The following PLA2G4A variants were observed in gnomAD, a reference collection of about 807,000 sequenced individuals.
PLA2G4A encodes the protein cytosolic phospholipase A2.
Under a neutral mutation model 81.9 loss-of-function variants are expected in PLA2G4A, and 40 were observed. The observed-to-expected ratio is 0.49, with a 90% CI of 0.38 to 0.64. PLA2G4A has a LOEUF of 0.64. Ranked by LOEUF, PLA2G4A falls within the 30% of genes least tolerant of loss-of-function variation. The probability of loss-of-function intolerance (pLI) is 0.00; values close to 1 mark genes in which losing one functional copy is unlikely to be tolerated. For synonymous variants in PLA2G4A, 302 were observed against 296.9 expected (o/e 1.02, Z -0.18); for missense variants, 715 against 905.1 (o/e 0.79, Z 2.69).
At chr1:186,926,364 T>C (rs1297522355) in intron 7 of PLA2G4A, among the ~76,000 whole-genome samples, 1 of 152,250 alleles carries the variant, frequency 6.6e-6, no homozygotes, top group Non-Finnish European at 1.5e-5. Context: ...TTGGAAGTCA[T>C]TTATTGAATT....
intron 3 of PLA2G4A, among the ~76,000 whole-genome samples, chr1:186,882,749 A>T (rs1189095635): frequency 6.6e-6 from 1 of 152,092 alleles, no homozygotes; most frequent in East Asian, 1.9e-4. Flanking sequence ...CAACTAAGAG[A>T]TTATGCTAAT....
At chr1:186,918,750 A>C (rs1164617579) in intron 7 of PLA2G4A, among the ~76,000 whole-genome samples, 1 of 152,230 alleles carries the variant, frequency 6.6e-6, no homozygotes, top group Non-Finnish European at 1.5e-5. Flanking sequence ...TTAGGGTGTT[A>C]CAGACTTCAA....
At position 186,956,226 on chromosome 1, in the gene PLA2G4A, G is replaced by A. The variant is rs267598242; in HGVS notation, c.1461G>A (p.Gly487=). The part of the protein sequence containing the change: ...ALFNTREGRA[G]KVHNFMLGLN... ...TCAATACCAGAGAAGGACGTGCTGG[G>A]AAGGTACACAACTTCATGCTGGGCT... The change falls in exon 14 of 18, where the codon GGG becomes GGA. Residue 487 remains glycine (G), a synonymous_variant. Coordinates refer to ENST00000367466, the MANE Select transcript of PLA2G4A (RefSeq NM_024420.3). The A allele has an allele frequency of 6.2e-7, 1 of 1,613,904 alleles. No homozygotes were observed. Among genetic ancestry groups the A allele is most frequent in the African/African-American group, 1.3e-5 (1 of 74,882 alleles).
intron 1 of PLA2G4A, among the ~76,000 whole-genome samples, chr1:186,840,716 C>A (rs1034738783): frequency 1.3e-5 from 2 of 152,206 alleles, no homozygotes; most frequent in Non-Finnish European, 2.9e-5. Context: ...AAATGGCTCT[C>A]ATTAAACATT....
intron 1 of PLA2G4A, among the ~76,000 whole-genome samples, chr1:186,845,870 A>T (rs549605003): frequency 3.9e-5 from 6 of 152,296 alleles, no homozygotes. Flanking sequence ...AGTCTATCCA[A>T]ATTTCCCTCT....
At chr1:186,886,268 A>C (rs1158377637) in intron 3 of PLA2G4A, among the ~76,000 whole-genome samples, 2 of 152,174 alleles carry the variant, frequency 1.3e-5, no homozygotes, top group African/African-American at 4.8e-5. Flanking sequence ...CGAAGTCCAG[A>C]AACAGACTTA....
At chr1:186,842,903 C>T (rs754079200) in intron 1 of PLA2G4A, among the ~76,000 whole-genome samples, 7 of 152,180 alleles carry the variant, frequency 4.6e-5, no homozygotes, top group Non-Finnish European at 1.0e-4. Context: ...TGCTAAGACT[C>T]GAATAACTCT....
chr1:186,947,718 T>C (rs913119321), intron 12 of PLA2G4A, among the ~76,000 whole-genome samples: 4 of 152,130 alleles, frequency 2.6e-5, no homozygotes, highest in African/African-American at 9.7e-5. Flanking sequence ...CATAAAGAAA[T>C]GGTGGCATGC....
At chr1:186,986,985 A>G (rs977760664) in intron 17 of PLA2G4A, among the ~76,000 whole-genome samples, 1 of 152,248 alleles carries the variant, frequency 6.6e-6, no homozygotes, top group Non-Finnish European at 1.5e-5. Context: ...TTTCCCGAGA[A>G]GATAATTACA....
intron 14 of PLA2G4A, among the ~76,000 whole-genome samples, chr1:186,957,677 C>T (rs781581539): frequency 1.3e-5 from 2 of 152,182 alleles, no homozygotes; most frequent in Non-Finnish European, 2.9e-5. Context: ...GGTTAGGTAA[C>T]TTTCTTAAAA....
Position 186,917,523 on chromosome 1 carries a change from G to A in PLA2G4A, c.558+6134G>A, listed in dbSNP as rs111501780. Among the ~76,000 whole-genome samples, 1,099 of 152,168 alleles carry A rather than the reference G, an allele frequency of 7.2e-3. 11 individuals are homozygous for A. The highest frequency in any genetic ancestry group is 0.025 in the African/African-American group (1,047 of 41,496). On this transcript the variant is annotated intron_variant, in intron 7 of 17. Transcript: ENST00000367466. ...TCCGATTCATTCGCTCCACCTTTCC[G>A]GAACTCTGAGGTCAGTAGGCGGTAT... is the stretch of plus-strand genomic sequence containing the variant.
chr1:186,845,213 AAAAC>A (rs200913442), intron 1 of PLA2G4A, among the ~76,000 whole-genome samples: 6 of 152,220 alleles, frequency 3.9e-5, no homozygotes, highest in South Asian at 2.1e-4. Flanking sequence ...TCAAAAAAAC[AAAAC>A]AAACAAACAA....
At chr1:186,832,552 T>G (rs776516888) in intron 1 of PLA2G4A, among the ~76,000 whole-genome samples, 5 of 152,186 alleles carry the variant, frequency 3.3e-5, no homozygotes, top group Non-Finnish European at 7.4e-5. Flanking sequence ...GGTGCCATCA[T>G]CAAACAGAGC....
intron 17 of PLA2G4A, among the ~76,000 whole-genome samples, chr1:186,980,228 C>T (rs886484840): frequency 6.6e-6 from 1 of 152,124 alleles, no homozygotes; most frequent in African/African-American, 2.4e-5. Context: ...CGTGAGCCAC[C>T]GCACCCGGCC....
At chr1:186,855,397 ACT>A (rs1297658423) in intron 2 of PLA2G4A, among the ~76,000 whole-genome samples, 2 of 147,198 alleles carry the variant, frequency 1.4e-5, no homozygotes, top group African/African-American at 5.0e-5. Context: ...TTTCTGTCTG[ACT>A]CTCTTTTTTT....
intron 1 of PLA2G4A, among the ~76,000 whole-genome samples, chr1:186,829,391 C>G (rs1450063171): frequency 6.6e-6 from 1 of 152,214 alleles, no homozygotes; most frequent in Non-Finnish European, 1.5e-5. Context: ...GATCCCCAAA[C>G]TTGAGCAGCA....
chr1:186,967,637 A>G lies in PLA2G4A; in HGVS notation c.1764+2044A>G, dbSNP rs976616403. Among the ~76,000 whole-genome samples, 127 of 152,278 alleles carry G rather than the reference A, an allele frequency of 8.3e-4. 1 individual carries two copies. Among genetic ancestry groups the G allele is most frequent in the Non-Finnish European group, 1.0e-4 (7 of 68,000 alleles). ...GACATAAGTTTACATAAGTATGTGT[A>G]TTATAGGGGATAAATATAAGAATAG... On this transcript the variant is annotated intron_variant, in intron 15 of 17. Coordinates refer to ENST00000367466, the MANE Select transcript of PLA2G4A (RefSeq NM_024420.3).
chr1:186,902,384 T>C (rs1320143473), intron 5 of PLA2G4A, among the ~76,000 whole-genome samples: 3 of 151,924 alleles, frequency 2.0e-5, no homozygotes, highest in Non-Finnish European at 4.4e-5. Context: ...AACCCCACAA[T>C]ATCACCCCTT....
At chr1:186,857,830 C>T (rs1652647839) in intron 2 of PLA2G4A, among the ~76,000 whole-genome samples, 1 of 151,950 alleles carries the variant, frequency 6.6e-6, no homozygotes, top group Non-Finnish European at 1.5e-5. Flanking sequence ...TCAGTTCCCA[C>T]CTATGAGTGA....
Sources: allele counts gnomAD v4.1 joint callset (sites outside exome capture counted in the v4.1 genomes callset), GRCh38; gene constraint gnomAD v4.1.1; transcripts MANE v1.5; gene names NCBI Gene and HGNC (gene_info 2026-07-23, HGNC 2026-07-21).